The following PCDHGA2 variants were observed in gnomAD, a reference collection of about 807,000 sequenced individuals.
PCDHGA2 encodes protocadherin gamma subfamily A, 2.
PCDHGA2 carries 40 observed loss-of-function variants against 59.2 expected under a neutral mutation model. The ratio of observed to expected loss-of-function variants is 0.68; its 90% CI spans 0.52 to 0.88. The LOEUF is 0.88. PCDHGA2 is among the 40% of genes least tolerant of loss of function. PCDHGA2 has a pLI of 0.00. For missense variants in PCDHGA2, 1,226 were observed against 1,204.0 expected (o/e 1.02, Z -0.27); for synonymous variants, 560 against 526.0 (o/e 1.06, Z -0.89).
intron 1 of PCDHGA2, among the ~76,000 whole-genome samples, chr5:141,447,104 A>G (rs1212797996): frequency 2.0e-5 from 3 of 151,958 alleles, no homozygotes; most frequent in African/African-American, 7.3e-5. Flanking sequence ...TCACATGATT[A>G]TATGTGCTCC....
At chr5:141,410,471 G>GC in intron 1 of PCDHGA2, 1 of 1,613,988 alleles carries the variant, frequency 6.2e-7, no homozygotes, top group Non-Finnish European at 8.5e-7. Flanking sequence ...TCTGTGCATT[G>GC]CACATACGGG....
At position 141,423,043 on chromosome 5, in the gene PCDHGA2, T is replaced by C. The variant is rs940921497; in HGVS notation, c.2425-71764T>C. 10 of 1,614,058 alleles carry C rather than the reference T, an allele frequency of 6.2e-6. No homozygotes were observed. The Admixed American group carries it at 1.5e-4, about 24-fold the overall frequency. ...AGATTCAGGCCAGAACGCCTGGCTG[T>C]CCTATCGCCTGCTTAAGGCCAGCGA... is the stretch of plus-strand genomic sequence containing the variant. On this transcript the variant is annotated intron_variant, in intron 1 of 3. Transcript: ENST00000394576.
At position 141,361,962 on chromosome 5, in the gene PCDHGA2, G is replaced by A. The variant is rs773228526; in HGVS notation, c.2424+20567G>A. 5.6e-6 allele frequency: 9 copies of A among 1,602,186 alleles called. No individual in the cohort carries two copies. In the South Asian group the frequency reaches 8.8e-5, roughly 16 times the overall value. On this transcript the variant is annotated intron_variant, in intron 1 of 3. Transcript: ENST00000394576. ...ACGCTTGGCTGTCCTACCACGTGCTGCAGGCCAGCGAGCCCGGGCTCTTCA... is the reference window on the plus strand; with the variant it reads ...ACGCTTGGCTGTCCTACCACGTGCTACAGGCCAGCGAGCCCGGGCTCTTCA...
At chr5:141,434,608 C>T (rs142418557) in intron 1 of PCDHGA2, among the ~76,000 whole-genome samples, 1,532 of 152,226 alleles carry the variant, frequency 0.01, 34 homozygotes, top group African/African-American at 0.034. Flanking sequence ...CCTTTATTTC[C>T]GCCCATCTCT....
chr5:141,485,466 T>C lies in PCDHGA2; in HGVS notation c.2425-9341T>C, dbSNP rs1485922901. ...ATCGACCGAGAGGCACTGTGTGGGC[T>C]CAGTGCCAGCTGCATCGTGCCCCTG... On this transcript the variant is annotated intron_variant, in intron 1 of 3. Transcript: ENST00000394576. The surrounding 1 kb of genome is among the most constrained non-coding windows in gnomAD (Gnocchi z 5.7). 6.2e-7 allele frequency: 1 copy of C among 1,613,868 alleles called. No individual in the cohort carries two copies. Among genetic ancestry groups the C allele is most frequent in the Non-Finnish European group, 8.5e-7 (1 of 1,179,924 alleles).
At chr5:141,351,815 G>C in intron 1 of PCDHGA2, 1 of 1,613,234 alleles carries the variant, frequency 6.2e-7, no homozygotes, top group Non-Finnish European at 8.5e-7. Context: ...CTTCGACCAC[G>C]AGCAGCTGCG....
At position 141,449,665 on chromosome 5, in the gene PCDHGA2, G is replaced by T. The variant is rs144213743; in HGVS notation, c.2425-45142G>T. 9.3e-5 allele frequency among the ~76,000 whole-genome samples: 14 copies of T among 150,156 alleles called. No individual in the cohort carries two copies. In the East Asian group the frequency reaches 2.7e-3, roughly 29 times the overall value. Reference sequence around the variant, plus strand: ...TATACATATTTACATACACACCCAAGTGTGTATGTATATATGTTTGTGTGT... The same window carrying T: ...TATACATATTTACATACACACCCAATTGTGTATGTATATATGTTTGTGTGT... On this transcript the variant is annotated intron_variant, in intron 1 of 3. Coordinates refer to ENST00000394576, the MANE Select transcript of PCDHGA2 (RefSeq NM_018915.4).
Position 141,340,832 on chromosome 5 carries a change from C to G in PCDHGA2, c.1861C>G (p.Leu621Val), listed in dbSNP as rs773450474. 1.2e-6 allele frequency: 2 copies of G among 1,613,248 alleles called. No individual in the cohort carries two copies. The highest frequency in any genetic ancestry group is 1.7e-6 in the Non-Finnish European group (2 of 1,179,830). Reference sequence around the variant, plus strand: ...CGAGCCGGGACTCTTCTCGGTGGGTCTGCACACGGGCGAGGTGCGCACGGC... The same window carrying G: ...CGAGCCGGGACTCTTCTCGGTGGGTGTGCACACGGGCGAGGTGCGCACGGC... ...ASEPGLFSVG[L>V]HTGEVRTARA... is the part of the protein sequence containing the mutation. Residue 621 changes from leucine to valine, a missense_variant, in exon 1 of 4, where the codon CTG becomes GTG. By Grantham distance (32) the Leu-to-Val change is conservative. Transcript: ENST00000394576.
At position 141,485,651 on chromosome 5, in the gene PCDHGA2, G is replaced by A. The variant is rs752827268; in HGVS notation, c.2425-9156G>A. The A allele has an allele frequency of 6.8e-6, 11 of 1,612,228 alleles. No individual in the cohort carries two copies. The Admixed American group carries it at 1.3e-4, about 20-fold the overall frequency. ...TTTCCCGTTGGAAAAGGCTCAGGATGCAGATGTGGGGAGCAATTCGATTAG... is the reference window on the plus strand; with the variant it reads ...TTTCCCGTTGGAAAAGGCTCAGGATACAGATGTGGGGAGCAATTCGATTAG... On this transcript the variant is annotated intron_variant, in intron 1 of 3. Transcript: ENST00000394576. This position sits in a 1 kb window ranked among gnomAD's most constrained non-coding sequence, Gnocchi z 5.7.
intron 1 of PCDHGA2, among the ~76,000 whole-genome samples, chr5:141,382,012 A>G (rs1777864214): frequency 6.6e-6 from 1 of 151,520 alleles, no homozygotes; most frequent in Admixed American, 6.6e-5. Flanking sequence ...TATTTTTAGT[A>G]GAGACGGGGT....
chr5:141,403,390 G>C (rs1471861396), intron 1 of PCDHGA2: 2 of 1,613,920 alleles, frequency 1.2e-6, no homozygotes, highest in Admixed American at 1.7e-5. Flanking sequence ...ACGAAATCGC[G>C]GTTCCTGGAG....
chr5:141,372,520 T>A, intron 1 of PCDHGA2: 1 of 1,614,068 alleles, frequency 6.2e-7, no homozygotes, highest in Non-Finnish European at 8.5e-7. Flanking sequence ...GCGGTGATTC[T>A]GGCAATCTCC....
At chr5:141,364,236 A>G (rs1179027324) in intron 1 of PCDHGA2, 1 of 1,433,738 alleles carries the variant, frequency 7.0e-7, no homozygotes, top group Non-Finnish European at 9.3e-7. Flanking sequence ...CTCCACGCCC[A>G]TTTTCGTCAG....
chr5:141,432,575 T>TACC lies in PCDHGA2; in HGVS notation c.2425-62231_2425-62229dup, dbSNP rs1044250629. 6.2e-7 allele frequency: 1 copy of TACC among 1,613,326 alleles called. No individual in the cohort carries two copies. The highest frequency in any genetic ancestry group is 1.3e-5 in the African/African-American group (1 of 74,718). ...CTCCGGCCAGAACGCCTGGCTGTCC[T>TACC]ACCGTCTGCTCAAGGCCAGCGAGCC... On this transcript the variant is annotated intron_variant, in intron 1 of 3. Transcript: ENST00000394576. This position sits in a 1 kb window ranked among gnomAD's most constrained non-coding sequence, Gnocchi z 6.0.
intron 1 of PCDHGA2, chr5:141,409,496 C>CT (rs1276498782): frequency 6.2e-7 from 1 of 1,614,044 alleles, no homozygotes; most frequent in South Asian, 1.1e-5. Context: ...CAAGCCGCCT[C>CT]TTTCTTCCAG....
At position 141,447,418 on chromosome 5, in the gene PCDHGA2, G is replaced by A. The variant is rs113957183; in HGVS notation, c.2425-47389G>A. On this transcript the variant is annotated intron_variant, in intron 1 of 3. Transcript: ENST00000394576. ...CTCCCAAAGTGCTGGGATTACAGGC[G>A]TGAGCCACCGCACCCGGAGGAAATT... Among the ~76,000 whole-genome samples, 1,263 of 152,230 alleles carry A rather than the reference G, an allele frequency of 8.3e-3. 17 individuals carry two copies. The highest frequency in any genetic ancestry group is 0.029 in the African/African-American group (1,197 of 41,538).
chr5:141,363,651 T>C (rs772337570), intron 1 of PCDHGA2, among the ~76,000 whole-genome samples: 15 of 152,250 alleles, frequency 9.9e-5, no homozygotes, highest in Non-Finnish European at 2.2e-4. Context: ...GTAACAAAGA[T>C]CTTTATTTCT....
chr5:141,372,278 G>A (rs756938433), intron 1 of PCDHGA2: 7 of 1,613,020 alleles, frequency 4.3e-6, no homozygotes, highest in Non-Finnish European at 3.4e-6. Flanking sequence ...AGGTGCGCAC[G>A]GCGCGTACCT....
At chr5:141,409,772 C>T (rs2095314133) in intron 1 of PCDHGA2, 1 of 1,612,736 alleles carries the variant, frequency 6.2e-7, no homozygotes, top group Non-Finnish European at 8.5e-7. Flanking sequence ...TGATCACGAG[C>T]AGCTGCGCGC....
Sources: gnomAD v4.1 joint callset for allele counts (sites outside exome capture counted in the v4.1 genomes callset) on GRCh38, gnomAD v4.1.1 for gene constraint, Gnocchi (gnomAD v3.1) non-coding constraint, MANE v1.5 for transcripts, NCBI Gene and HGNC (gene_info 2026-07-23, HGNC 2026-07-21) for gene names.